Variants in ESRRB observed in about 807,000 individuals in gnomAD.
ESRRB encodes steroid hormone receptor ERR2.
Under a neutral mutation model 46.0 loss-of-function variants are expected in ESRRB, and 16 were observed. That is an observed-to-expected ratio of 0.35 (90% CI 0.24 to 0.53). The LOEUF is 0.53. ESRRB is among the 20% of genes least tolerant of loss of function. ESRRB has a pLI of 0.93. For synonymous variants in ESRRB, 246 were observed against 259.6 expected (o/e 0.95, Z 0.50); for missense variants, 488 against 607.4 (o/e 0.80, Z 2.07).
chr14:76,425,363 T>C (rs1347392449), intron 1 of ESRRB, among the ~76,000 whole-genome samples: 3 of 152,128 alleles, frequency 2.0e-5, no homozygotes, highest in Non-Finnish European at 4.4e-5. Flanking sequence ...GATCTCCCTA[T>C]CACTGGGGTC....
At chr14:76,405,477 T>C (rs1845253084) in intron 1 of ESRRB, among the ~76,000 whole-genome samples, 1 of 152,188 alleles carries the variant, frequency 6.6e-6, no homozygotes, top group Non-Finnish European at 1.5e-5. Context: ...GAGTGTTTCC[T>C]TGTAAGTTGC....
intron 1 of ESRRB, chr14:76,311,008 C>CTT: frequency 2.3e-6 from 1 of 433,092 alleles, no homozygotes; most frequent in Admixed American, 2.4e-5. Flanking sequence ...CTCTCTCTCT[C>CTT]TCTCTCTCTC....
chr14:76,363,276 G>A (rs901261262), intron 1 of ESRRB, among the ~76,000 whole-genome samples: 1 of 152,278 alleles, frequency 6.6e-6, no homozygotes, highest in East Asian at 1.9e-4. Context: ...CTCCAAAGGG[G>A]ACCTCCTAAT....
Position 76,499,599 on chromosome 14 carries a change from C to T in ESRRB, c.*1141C>T. On this transcript the variant is annotated 3_prime_UTR_variant, in exon 7 of 7. Transcript: ENST00000644823. ...GTGTACCAGTGCCACAGGAGGGGTGCCCTCCTACCACACTTGGGCTACCAG... is the reference window on the plus strand; with the variant it reads ...GTGTACCAGTGCCACAGGAGGGGTGTCCTCCTACCACACTTGGGCTACCAG... 1 of 543,532 alleles carries T rather than the reference C, an allele frequency of 1.8e-6. No individual in the cohort carries two copies. The highest frequency in any genetic ancestry group is 3.3e-6 in the Non-Finnish European group (1 of 299,956). 33.7% of individuals were successfully genotyped at this position (543,532 alleles called of 1,614,324 possible).
rs186536645 is a variant in ESRRB, at chr14:76,410,407, C to T, written c.51-28934C>T. On this transcript the variant is annotated intron_variant, in intron 1 of 6. Transcript: ENST00000644823. ...GGTAGGGTATTTTTCCTCCCCTAATCCTTGGTCCCCTAGACAGAATCCCTA... is the reference window on the plus strand; with the variant it reads ...GGTAGGGTATTTTTCCTCCCCTAATTCTTGGTCCCCTAGACAGAATCCCTA... Among the ~76,000 whole-genome samples the T allele has an allele frequency of 5.2e-4, 79 of 152,292 alleles. 3 individuals carry two copies. The East Asian group carries it at 6.6e-3, about 13-fold the overall frequency.
chr14:76,378,105 G>A (rs1229575011), intron 1 of ESRRB, among the ~76,000 whole-genome samples: 3 of 152,202 alleles, frequency 2.0e-5, no homozygotes, highest in African/African-American at 7.2e-5. Context: ...TACATAAAAT[G>A]ATCAAGTATG....
At chr14:76,362,430 A>T (rs1884475642) in intron 1 of ESRRB, among the ~76,000 whole-genome samples, 1 of 152,134 alleles carries the variant, frequency 6.6e-6, no homozygotes, top group Admixed American at 6.5e-5. Context: ...ATGCTGTTTG[A>T]GTTCTACCAA....
At chr14:76,473,127 T>C (rs1222586871) in intron 3 of ESRRB, among the ~76,000 whole-genome samples, 2 of 148,962 alleles carry the variant, frequency 1.3e-5, no homozygotes, top group East Asian at 2.1e-4. Context: ...AAAATTTCCC[T>C]GTGACGTTTC....
intron 1 of ESRRB, among the ~76,000 whole-genome samples, chr14:76,438,579 G>A (rs140521905): frequency 0.01 from 1,576 of 151,850 alleles, 15 homozygotes; most frequent in Non-Finnish European, 0.015. Flanking sequence ...CAGGAGAATC[G>A]CTTGAACCCA....
chr14:76,314,382 C>T (rs1883772743), intron 1 of ESRRB, among the ~76,000 whole-genome samples: 1 of 152,146 alleles, frequency 6.6e-6, no homozygotes. Context: ...CCTTCAACTC[C>T]CCAGATCGCT....
chr14:76,439,599 C>T lies in ESRRB; in HGVS notation c.309C>T (p.Gly103=). The T allele has an allele frequency of 6.2e-7, 1 of 1,614,210 alleles. No homozygotes were observed. Among genetic ancestry groups the T allele is most frequent in the Non-Finnish European group, 8.5e-7 (1 of 1,180,022 alleles). ...CRKSYEDCAS[G]IMEDSAIKCE... ...AGAGCTACGAGGACTGTGCCAGCGG[C>T]ATCATGGAGGACTCGGCCATCAAGT... is the stretch of plus-strand genomic sequence containing the variant. The change falls in exon 2 of 7, where the codon GGC becomes GGT. Residue 103 remains glycine (G), a synonymous_variant. Transcript: ENST00000644823.
chr14:76,314,362 G>A (rs191945684), intron 1 of ESRRB, among the ~76,000 whole-genome samples: 1 of 152,160 alleles, frequency 6.6e-6, no homozygotes, highest in Non-Finnish European at 1.5e-5. Flanking sequence ...GGGCCTGGAG[G>A]GGCTGTGTGC....
intron 2 of ESRRB, among the ~76,000 whole-genome samples, chr14:76,451,123 T>A (rs1364674676): frequency 6.6e-6 from 1 of 152,148 alleles, no homozygotes; most frequent in Non-Finnish European, 1.5e-5. Flanking sequence ...GTAAACATGC[T>A]TGGCAGCAAG....
At chr14:76,370,419 A>T (rs1290434621), upstream of ESRRB, among the ~76,000 whole-genome samples, 1 of 152,150 alleles carries the variant, frequency 6.6e-6, no homozygotes, top group Non-Finnish European at 1.5e-5. Context: ...AATTGTCGCC[A>T]AAGTCACAAG....
At chr14:76,457,523 A>G (rs943872182) in intron 2 of ESRRB, among the ~76,000 whole-genome samples, 1 of 151,578 alleles carries the variant, frequency 6.6e-6, no homozygotes, top group Admixed American at 6.6e-5. Context: ...TTCTTCTTCA[A>G]TGTGGCCCAG....
chr14:76,349,045 T>C (rs933716926), intron 1 of ESRRB, among the ~76,000 whole-genome samples: 1 of 152,264 alleles, frequency 6.6e-6, no homozygotes, highest in African/African-American at 2.4e-5. Context: ...TAGCTTGTTC[T>C]GTGCCCAGAG....
chr14:76,447,628 G>A (rs1888207801), intron 2 of ESRRB, among the ~76,000 whole-genome samples: 1 of 152,026 alleles, frequency 6.6e-6, no homozygotes, highest in Non-Finnish European at 1.5e-5. Flanking sequence ...ATTTCTCCTT[G>A]TGTTCCCAAT....
chr14:76,469,156 C>T (rs1364453414), intron 3 of ESRRB, among the ~76,000 whole-genome samples: 1 of 151,972 alleles, frequency 6.6e-6, no homozygotes, highest in Non-Finnish European at 1.5e-5. Context: ...TGCAGTGGTG[C>T]CATCTCTGTT....
chr14:76,485,975 G>GGA (rs57940806), intron 5 of ESRRB, among the ~76,000 whole-genome samples: 16,957 of 152,226 alleles, frequency 0.11, 1,055 homozygotes, highest in Middle Eastern at 0.16. Context: ...GATCCCATTT[G>GGA]GAACAAGGCT....
Sources: gnomAD v4.1 joint callset for allele counts (sites outside exome capture counted in the v4.1 genomes callset) on GRCh38, gnomAD v4.1.1 for gene constraint, MANE v1.5 for transcripts, NCBI Gene and HGNC (gene_info 2026-07-23, HGNC 2026-07-21) for gene names.